TEX26: variants seen among roughly 807,000 people sequenced by gnomAD.
The protein encoded by TEX26 is testis-expressed protein 26.
TEX26 carries 34 observed loss-of-function variants against 35.3 expected under a neutral mutation model. The observed-to-expected ratio is 0.96, with a 90% confidence interval of 0.73 to 1.28. The LOEUF is 1.28. TEX26 is among the 50% of genes most tolerant of loss of function. The pLI is 0.00. For missense variants in TEX26, 371 were observed against 330.1 expected (o/e 1.12, Z -0.96); for synonymous variants, 136 against 111.8 (o/e 1.22, Z -1.36).
At chr13:30,959,731 C>T (rs187873139) in intron 4 of TEX26, among the ~76,000 whole-genome samples, 212 of 151,938 alleles carry the variant, frequency 1.4e-3, no homozygotes, top group African/African-American at 4.6e-3. Context: ...CAGAATAGAA[C>T]AGAGAAAAGA....
At chr13:30,935,622 C>T (rs769732062) in intron 1 of TEX26, among the ~76,000 whole-genome samples, 59 of 152,206 alleles carry the variant, frequency 3.9e-4, no homozygotes, top group Non-Finnish European at 5.7e-4. Context: ...ACAGGAGCTA[C>T]GCTCTCTGCT....
At position 30,941,877 on chromosome 13, in the gene TEX26, A is replaced by G. The variant is rs867426392; in HGVS notation, c.146+2099A>G. ...GTGTAATATTCCATGGTGTATATAT[A>G]TATACACACCACTTTTTTTAAACCA... On this transcript the variant is annotated intron_variant, in intron 2 of 6. Transcript: ENST00000380473. Among the ~76,000 whole-genome samples, 9 of 152,294 alleles carry G rather than the reference A, an allele frequency of 5.9e-5. No homozygotes were observed. In the South Asian group the frequency reaches 8.3e-4, roughly 14 times the overall value.
chr13:30,932,932 A>G (rs1566134362), intron 1 of TEX26, 156 bp downstream of exon 1: 1 of 754,492 alleles, frequency 1.3e-6, no homozygotes, highest in Non-Finnish European at 2.1e-6. Context: ...AGGGAGAATG[A>G]CAGGGCCTTC....
chr13:30,935,515 AC>A (rs1422195352), intron 1 of TEX26, among the ~76,000 whole-genome samples: 2 of 152,074 alleles, frequency 1.3e-5, no homozygotes, highest in African/African-American at 2.4e-5. Flanking sequence ...AGACAAGGGA[AC>A]CCCCCGCTGT....
At chr13:30,955,370 A>T (rs1042802696) in intron 3 of TEX26, among the ~76,000 whole-genome samples, 2 of 152,324 alleles carry the variant, frequency 1.3e-5, no homozygotes, top group African/African-American at 4.8e-5. Flanking sequence ...TTAAACAACA[A>T]ATGCATACGC....
chr13:30,946,390 G>T (rs191993859), intron 2 of TEX26, among the ~76,000 whole-genome samples: 1 of 151,470 alleles, frequency 6.6e-6, no homozygotes, highest in African/African-American at 2.4e-5. Context: ...ACCTTCTTCC[G>T]GTATCTCTCT....
chr13:30,934,929 A>T (rs1017995972), intron 1 of TEX26, among the ~76,000 whole-genome samples: 4 of 152,220 alleles, frequency 2.6e-5, no homozygotes, highest in Non-Finnish European at 4.4e-5. Context: ...TCCATGAAGC[A>T]GGCAGGAGCC....
intron 2 of TEX26, among the ~76,000 whole-genome samples, chr13:30,940,856 T>G (rs1019558652): frequency 1.3e-5 from 2 of 152,048 alleles, no homozygotes; most frequent in Admixed American, 6.5e-5. Context: ...GAGAATTGCT[T>G]GAACTCCGGA....
At chr13:30,935,322 A>G (rs1953233061) in intron 1 of TEX26, among the ~76,000 whole-genome samples, 1 of 152,224 alleles carries the variant, frequency 6.6e-6, no homozygotes, top group African/African-American at 2.4e-5. Context: ...GAGGGCCTGA[A>G]GTCTGGGGAC....
At position 30,938,055 on chromosome 13, in the gene TEX26, A is replaced by G. The variant is rs184505814; in HGVS notation, c.62-1639A>G. Among the ~76,000 whole-genome samples, 578 of 152,350 alleles carry G rather than the reference A, an allele frequency of 3.8e-3. 3 individuals are homozygous for G. Among genetic ancestry groups the G allele is most frequent in the Middle Eastern group, 0.017 (5 of 294 alleles). ...AGGACACATGAAGGGGAACAAATAC[A>G]GGCAATGAGGTGGCTACAGTATTCT... On this transcript the variant is annotated intron_variant, in intron 1 of 6. Coordinates refer to ENST00000380473, the MANE Select transcript of TEX26 (RefSeq NM_152325.3).
At chr13:30,967,481 A>G (rs1954579512) in intron 5 of TEX26, among the ~76,000 whole-genome samples, 2 of 152,182 alleles carry the variant, frequency 1.3e-5, no homozygotes, top group Non-Finnish European at 2.9e-5. Flanking sequence ...CACTGGTTCC[A>G]CTTCTTCCCA....
chr13:30,970,987 G>A (rs984912735), intron 6 of TEX26, among the ~76,000 whole-genome samples: 2 of 152,178 alleles, frequency 1.3e-5, no homozygotes, highest in African/African-American at 2.4e-5. Context: ...TGCTTTCCTG[G>A]TTCCCTCAGG....
chr13:30,970,791 T>A (rs1954687753), intron 6 of TEX26, among the ~76,000 whole-genome samples: 1 of 152,132 alleles, frequency 6.6e-6, no homozygotes, highest in South Asian at 2.1e-4. Context: ...GAGGGTGAAC[T>A]AGGGACTCCT....
At chr13:30,947,994 G>GT (rs1168198790) in intron 2 of TEX26, among the ~76,000 whole-genome samples, 1 of 151,950 alleles carries the variant, frequency 6.6e-6, no homozygotes, top group Non-Finnish European at 1.5e-5. Flanking sequence ...GCGGTGTTTG[G>GT]TTTTTTGTCC....
Position 30,932,701 on chromosome 13 carries a change from G to A in TEX26, c.-15G>A. 4 of 1,611,528 alleles carry A rather than the reference G, an allele frequency of 2.5e-6. No individual in the cohort carries two copies. Among genetic ancestry groups the A allele is most frequent in the Non-Finnish European group, 3.4e-6 (4 of 1,179,294 alleles). ...TAGCTGGAGCCAGGGCCCCGCGGCC[G>A]CCTCCTGGGGCAGAATGGAACAGCC... On this transcript the variant is annotated 5_prime_UTR_variant, in exon 1 of 7. Coordinates refer to ENST00000380473, the MANE Select transcript of TEX26 (RefSeq NM_152325.3).
chr13:30,974,660 TAATC>T (rs1954824813), intron 6 of TEX26, 182 bp from the exon 7 acceptor site: 11 of 499,820 alleles, frequency 2.2e-5, no homozygotes. Flanking sequence ...TTACTCTTCT[TAATC>T]AATAATTACA....
At chr13:30,963,436 A>G (rs1373677557) in intron 4 of TEX26, among the ~76,000 whole-genome samples, 3 of 152,234 alleles carry the variant, frequency 2.0e-5, no homozygotes, top group African/African-American at 4.8e-5. Context: ...CAAATAACGC[A>G]TGAAGCTCAT....
At chr13:30,952,386 A>T (rs578231347) in intron 2 of TEX26, among the ~76,000 whole-genome samples, 1 of 152,130 alleles carries the variant, frequency 6.6e-6, no homozygotes, top group Non-Finnish European at 1.5e-5. Flanking sequence ...TGTATTGGAG[A>T]GTGTTCAGCT....
intron 4 of TEX26, among the ~76,000 whole-genome samples, chr13:30,964,621 T>C (rs1593599433): frequency 6.6e-6 from 1 of 152,222 alleles, no homozygotes; most frequent in African/African-American, 2.4e-5. Context: ...TAGTCTGTTT[T>C]GTACAGCTTT....
Sources: allele counts gnomAD v4.1 joint callset (sites outside exome capture counted in the v4.1 genomes callset), GRCh38; gene constraint gnomAD v4.1.1; transcripts MANE v1.5; gene names NCBI Gene and HGNC (gene_info 2026-07-23, HGNC 2026-07-21).